GPC6: variants seen among roughly 807,000 people sequenced by gnomAD.
GPC6 encodes the protein glypican 6.
Under a neutral mutation model 55.2 loss-of-function variants are expected in GPC6, and 14 were observed. The ratio of observed to expected loss-of-function variants is 0.25; its 90% CI spans 0.17 to 0.40. The LOEUF (loss-of-function observed/expected upper bound fraction) is 0.40, where lower values mean the gene tolerates loss of function less well. GPC6 is among the 10% of genes least tolerant of loss of function. The probability of loss-of-function intolerance (pLI) is 1.00; values close to 1 mark genes in which losing one functional copy is unlikely to be tolerated. For synonymous variants in GPC6, 278 were observed against 259.6 expected, an observed-to-expected ratio of 1.07 and a Z score of -0.68; for missense variants, 641 against 708.5, an observed-to-expected ratio of 0.90 and a Z score of 1.08.
At chr13:93,623,618 C>T (rs908349799) in intron 2 of GPC6, among the ~76,000 whole-genome samples, 8 of 152,058 alleles carry the variant, frequency 5.3e-5, no homozygotes, top group African/African-American at 1.7e-4. Context: ...GCCACCACTT[C>T]CAGCTAATTT....
intron 1 of GPC6, among the ~76,000 whole-genome samples, chr13:93,321,378 A>G (rs9584107): frequency 0.044 from 6,715 of 152,078 alleles, 480 homozygotes; most frequent in African/African-American, 0.15. Flanking sequence ...TTACCAGGTA[A>G]AGGAATGATT....
chr13:94,211,606 A>G (rs2138989436), intron 4 of GPC6, among the ~76,000 whole-genome samples: 1 of 152,220 alleles, frequency 6.6e-6, no homozygotes. Flanking sequence ...GCACCTGTGC[A>G]TGGACAGAGG....
Position 94,027,799 on chromosome 13 carries a change from C to T in GPC6, c.782C>T (p.Pro261Leu), listed in dbSNP as rs372091351. 1.2e-6 allele frequency: 2 copies of T among 1,613,638 alleles called. No individual in the cohort carries two copies. The highest frequency in any genetic ancestry group is 2.7e-5 in the African/African-American group (2 of 74,868). ...MLYCPYCRGL[P>L]TVRPCNNYCL... ...TACTGCCCATACTGTCGGGGGCTTC[C>T]CACTGTGAGGCCCTGCAACAACTAC... The change falls in exon 4 of 9, where the codon CCC (proline) becomes CTC (leucine). Residue 261 changes from proline (P) to leucine (L), a missense_variant. Coordinates refer to ENST00000377047, the MANE Select transcript of GPC6 (RefSeq NM_005708.5).
rs183198539 is a variant in GPC6, at chr13:94,213,772, A to G, written c.878-72577A>G. Among the ~76,000 whole-genome samples, 667 of 152,300 alleles carry G rather than the reference A, an allele frequency of 4.4e-3. 7 individuals are homozygous for G. Among genetic ancestry groups the G allele is most frequent in the African/African-American group, 0.015 (634 of 41,562 alleles). Reference sequence around the variant, plus strand: ...ATCACTTCCACCACTTCCATTGGCTAGATCAATTCACAGGATCATCCCAGC... The same window carrying G: ...ATCACTTCCACCACTTCCATTGGCTGGATCAATTCACAGGATCATCCCAGC... On this transcript the variant is annotated intron_variant, in intron 4 of 8. Coordinates refer to ENST00000377047, the MANE Select transcript of GPC6 (RefSeq NM_005708.5).
At chr13:93,847,096 A>T (rs1888208690) in intron 3 of GPC6, among the ~76,000 whole-genome samples, 2 of 152,140 alleles carry the variant, frequency 1.3e-5, no homozygotes, top group South Asian at 4.1e-4. Flanking sequence ...TAAGTAACAT[A>T]GACACTTTAT....
intron 4 of GPC6, among the ~76,000 whole-genome samples, chr13:94,118,198 A>G (rs1415999157): frequency 6.6e-6 from 1 of 152,032 alleles, no homozygotes; most frequent in Non-Finnish European, 1.5e-5. Context: ...GTGGGAGATA[A>G]TGGAATCATA....
chr13:93,501,887 AG>A (rs1566391671), intron 1 of GPC6, among the ~76,000 whole-genome samples: 1 of 152,142 alleles, frequency 6.6e-6, no homozygotes, highest in Non-Finnish European at 1.5e-5. Flanking sequence ...TCTTTTTTAC[AG>A]TTTTCAGATA....
At chr13:94,289,327 G>T (rs1304650047) in intron 5 of GPC6, among the ~76,000 whole-genome samples, 1 of 152,094 alleles carries the variant, frequency 6.6e-6, no homozygotes, top group Non-Finnish European at 1.5e-5. Context: ...CTGCTGCATG[G>T]CTGGTCATTT....
chr13:93,495,997 C>G (rs1880252139), intron 1 of GPC6, among the ~76,000 whole-genome samples: 1 of 151,328 alleles, frequency 6.6e-6, no homozygotes, highest in Admixed American at 6.6e-5. Context: ...GCCCTGCCCC[C>G]AGAGGTGGAT....
At chr13:94,238,805 A>G (rs1381920893) in intron 4 of GPC6, among the ~76,000 whole-genome samples, 1 of 152,078 alleles carries the variant, frequency 6.6e-6, no homozygotes, top group South Asian at 2.1e-4. Flanking sequence ...AGACTAAAAC[A>G]TGCTTGTAGA....
chr13:94,316,036 G>A (rs1876503098), intron 6 of GPC6, among the ~76,000 whole-genome samples: 2 of 152,096 alleles, frequency 1.3e-5, no homozygotes, highest in Admixed American at 1.3e-4. Context: ...ACGGCCCAGG[G>A]AAGCCAAAAG....
chr13:93,504,932 A>C (rs1306600087), intron 1 of GPC6, among the ~76,000 whole-genome samples: 1 of 152,158 alleles, frequency 6.6e-6, no homozygotes, highest in African/African-American at 2.4e-5. Context: ...GTCTAACCCT[A>C]GTGCTGTTCT....
At chr13:93,789,287 G>A (rs1451549486) in intron 2 of GPC6, among the ~76,000 whole-genome samples, 1 of 151,856 alleles carries the variant, frequency 6.6e-6, no homozygotes, top group African/African-American at 2.4e-5. Flanking sequence ...GTTCTACACT[G>A]TCTGGGGTTG....
chr13:93,463,874 G>GT (rs1383167027), intron 1 of GPC6, among the ~76,000 whole-genome samples: 1 of 151,540 alleles, frequency 6.6e-6, no homozygotes, highest in East Asian at 1.9e-4. Flanking sequence ...CTTTGCTTAC[G>GT]TAAGTCCTCA....
At chr13:93,734,995 T>A (rs527789597) in intron 2 of GPC6, among the ~76,000 whole-genome samples, 1 of 152,294 alleles carries the variant, frequency 6.6e-6, no homozygotes, top group South Asian at 2.1e-4. Context: ...TCTTACCTTA[T>A]AACTTAAGAT....
chr13:93,273,351 A>G (rs921185501), intron 1 of GPC6, among the ~76,000 whole-genome samples: 1 of 152,156 alleles, frequency 6.6e-6, no homozygotes, highest in Non-Finnish European at 1.5e-5. Context: ...TCGTTTGCCT[A>G]AAAGTTAAAA....
chr13:93,353,149 G>A (rs1365815196), intron 1 of GPC6, among the ~76,000 whole-genome samples: 2 of 152,178 alleles, frequency 1.3e-5, no homozygotes, highest in South Asian at 4.1e-4. Flanking sequence ...TACTACCAAA[G>A]AGGAAACTGA....
chr13:94,364,131 T>C (rs1879185951), intron 6 of GPC6, among the ~76,000 whole-genome samples: 1 of 152,214 alleles, frequency 6.6e-6, no homozygotes, highest in Non-Finnish European at 1.5e-5. Context: ...CAGGCTCTCA[T>C]TGCTTCTTCG....
At chr13:94,209,265 TCCAGTCTTGTG>T (rs1397251606) in intron 4 of GPC6, among the ~76,000 whole-genome samples, 6 of 152,168 alleles carry the variant, frequency 3.9e-5, no homozygotes, top group Admixed American at 6.6e-5. Context: ...GGCTGTATTC[TCCAGTCTTGTG>T]GCTGCCTCTA....
Sources: gnomAD v4.1 joint callset for allele counts (sites outside exome capture counted in the v4.1 genomes callset) on GRCh38, gnomAD v4.1.1 for gene constraint, MANE v1.5 for transcripts, NCBI Gene and HGNC (gene_info 2026-07-23, HGNC 2026-07-21) for gene names.